THRB: variants seen among roughly 807,000 people sequenced by gnomAD.
THRB encodes the protein thyroid hormone receptor beta.
Under a neutral mutation model 47.8 loss-of-function variants are expected in THRB, and 12 were observed. The ratio of observed to expected loss-of-function variants is 0.25; its 90% CI spans 0.16 to 0.41. THRB has a LOEUF of 0.41. THRB is among the 10% of genes least tolerant of loss of function. The pLI is 1.00. For synonymous variants in THRB, 218 were observed against 212.2 expected, an observed-to-expected ratio of 1.03 and a Z score of -0.24; for missense variants, 348 against 589.2, an observed-to-expected ratio of 0.59 and a Z score of 4.24.
chr3:24,143,270 C>T (rs1393903512), intron 8 of THRB, among the ~76,000 whole-genome samples: 2 of 152,152 alleles, frequency 1.3e-5, no homozygotes, highest in Non-Finnish European at 2.9e-5. Flanking sequence ...GCCTAAGAAA[C>T]TGTTTTAGAA....
chr3:24,228,103 A>C (rs1450524295), intron 4 of THRB, among the ~76,000 whole-genome samples: 1 of 152,290 alleles, frequency 6.6e-6, no homozygotes, highest in East Asian at 1.9e-4. Context: ...GATTGCTTAG[A>C]GTGGGAGATG....
chr3:24,452,351 T>C (rs2072744763), intron 1 of THRB, among the ~76,000 whole-genome samples: 1 of 152,152 alleles, frequency 6.6e-6, no homozygotes, highest in Non-Finnish European at 1.5e-5. Context: ...TCCCTCACCC[T>C]AGTCCTAGCC....
chr3:24,176,244 T>C lies in THRB; in HGVS notation c.283+13830A>G, dbSNP rs550909409. Among the ~76,000 whole-genome samples the C allele has an allele frequency of 2.4e-4, 37 of 151,334 alleles. No individual in the cohort carries two copies. In the Middle Eastern group the frequency reaches 0.014, roughly 58 times the overall value. Reference sequence around the variant, plus strand: ...TTAATGTATTTTTTAATTTAATCATTAGATAAAGTAGATATGTTTCCCCTT... The same window carrying C: ...TTAATGTATTTTTTAATTTAATCATCAGATAAAGTAGATATGTTTCCCCTT... On this transcript the variant is annotated intron_variant, in intron 5 of 10. Transcript: ENST00000646209.
rs188679896 is a variant in THRB at position 24,189,520 on chromosome 3, G to A, written c.283+554C>T. Among the ~76,000 whole-genome samples the A allele has an allele frequency of 5.1e-3, 776 of 151,882 alleles. 6 individuals are homozygous for A. The highest frequency in any genetic ancestry group is 0.031 in the Middle Eastern group (9 of 294). On this transcript the variant is annotated intron_variant, in intron 5 of 10. Transcript: ENST00000646209. ...AATCAGGAACTTAGGCCAGTTTAATGTTTTTTTTGCCTTATGAGCTGACAA... is the reference window on the plus strand; with the variant it reads ...AATCAGGAACTTAGGCCAGTTTAATATTTTTTTTGCCTTATGAGCTGACAA...
chr3:24,392,392 A>T (rs2066642144), intron 1 of THRB, among the ~76,000 whole-genome samples: 1 of 152,120 alleles, frequency 6.6e-6, no homozygotes, highest in African/African-American at 2.4e-5. Context: ...GGTACATTAC[A>T]ACTCTTCTAC....
intron 5 of THRB, among the ~76,000 whole-genome samples, chr3:24,188,582 G>A (rs1178217155): frequency 1.3e-5 from 2 of 152,106 alleles, no homozygotes; most frequent in East Asian, 1.9e-4. Context: ...GAATCAAATT[G>A]GGTTTATGAC....
intron 5 of THRB, chr3:24,165,030 T>G (rs781474009): frequency 2.7e-6 from 2 of 743,558 alleles, no homozygotes; most frequent in South Asian, 2.8e-5. Flanking sequence ...TCCCTACCTT[T>G]TTTTTGAGAA....
At chr3:24,136,722 A>G (rs1231508947) in intron 8 of THRB, among the ~76,000 whole-genome samples, 1 of 152,204 alleles carries the variant, frequency 6.6e-6, no homozygotes, top group Admixed American at 6.5e-5. Context: ...CCTGTGGGGA[A>G]AGCCTGCTTT....
rs185772660 is a variant in THRB at position 24,118,591 on chromosome 3, T to C, written c.*4293A>G. On this transcript the variant is annotated 3_prime_UTR_variant, in exon 11 of 11. Coordinates refer to ENST00000646209, the MANE Select transcript of THRB (RefSeq NM_001354712.2). ...TTTGGCTCTATGGTCAAATTAAAAA[T>C]GCCAAGTTAATAAGGGAGAACCAAA... The C allele has an allele frequency of 1.1e-3, 166 of 152,752 alleles. No individual in the cohort carries two copies. Among genetic ancestry groups the C allele is most frequent in the African/African-American group, 3.7e-3 (155 of 41,576 alleles). The allele number at this position is 152,752 out of a possible 1,614,324, so 9.5% of individuals were successfully genotyped here.
At chr3:24,369,233 A>T (rs1182456202) in intron 1 of THRB, among the ~76,000 whole-genome samples, 1 of 152,136 alleles carries the variant, frequency 6.6e-6, no homozygotes, top group African/African-American at 2.4e-5. Flanking sequence ...CAGAGGGGGA[A>T]ACTAACATCA....
intron 2 of THRB, among the ~76,000 whole-genome samples, chr3:24,298,845 G>T (rs1411591607): frequency 6.6e-6 from 1 of 152,184 alleles, no homozygotes; most frequent in African/African-American, 2.4e-5. Flanking sequence ...ATTATGGATT[G>T]TGACTCATTT....
chr3:24,220,146 G>A (rs1385022712), intron 4 of THRB, among the ~76,000 whole-genome samples: 1 of 152,154 alleles, frequency 6.6e-6, no homozygotes, highest in African/African-American at 2.4e-5. Flanking sequence ...CCCCCACCTG[G>A]AGATTACTAT....
intron 1 of THRB, among the ~76,000 whole-genome samples, chr3:24,452,508 A>G (rs1425960803): frequency 6.6e-6 from 1 of 152,150 alleles, no homozygotes; most frequent in Non-Finnish European, 1.5e-5. Context: ...AGCATGTAGT[A>G]TGTGCCAGAT....
chr3:24,335,227 A>T (rs2062171278), intron 2 of THRB, among the ~76,000 whole-genome samples: 1 of 152,220 alleles, frequency 6.6e-6, no homozygotes, highest in African/African-American at 2.4e-5. Context: ...GCGGAATCAA[A>T]TATTGTCCTC....
chr3:24,317,075 G>C (rs969555627), intron 2 of THRB, among the ~76,000 whole-genome samples: 2 of 152,172 alleles, frequency 1.3e-5, no homozygotes, highest in African/African-American at 4.8e-5. Context: ...CCAGGCAGTT[G>C]CTCAACAAAG....
At chr3:24,205,261 A>G (rs1416360257) in intron 4 of THRB, among the ~76,000 whole-genome samples, 2 of 152,208 alleles carry the variant, frequency 1.3e-5, no homozygotes, top group Non-Finnish European at 2.9e-5. Context: ...GAGAAAGGTC[A>G]GGTTACCCAC....
chr3:24,262,983 C>T (rs1200989053), intron 3 of THRB, among the ~76,000 whole-genome samples: 16 of 152,022 alleles, frequency 1.1e-4, no homozygotes, highest in Non-Finnish European at 2.1e-4. Context: ...AGGTGGCTGG[C>T]GAAAACTGAA....
chr3:24,200,450 G>A (rs558858283), intron 4 of THRB, among the ~76,000 whole-genome samples: 2 of 152,272 alleles, frequency 1.3e-5, no homozygotes, highest in African/African-American at 4.8e-5. Flanking sequence ...TATGACTTGG[G>A]TAATTAGATC....
In THRB at chr3:24,405,094, G is replaced by A. The variant is rs529035639; in HGVS notation, c.-260-67723C>T. Among the ~76,000 whole-genome samples the A allele has an allele frequency of 6.1e-3, 928 of 151,992 alleles. 10 individuals carry two copies. The highest frequency in any genetic ancestry group is 0.021 in the African/African-American group (864 of 41,504). ...TTTTATATGTTTACTGGTGACTTTA[G>A]TTTCTGTTTTCGTGGGTTGTTTTCT... On this transcript the variant is annotated intron_variant, in intron 1 of 10. Coordinates refer to ENST00000646209, the MANE Select transcript of THRB (RefSeq NM_001354712.2).
Sources: allele counts gnomAD v4.1 joint callset (sites outside exome capture counted in the v4.1 genomes callset), GRCh38; gene constraint gnomAD v4.1.1; transcripts MANE v1.5; gene names NCBI Gene and HGNC (gene_info 2026-07-23, HGNC 2026-07-21).